The following GAREM1 variants were observed in gnomAD, a reference collection of about 807,000 sequenced individuals.
The protein encoded by GAREM1 is GRB2-associated and regulator of MAPK protein 1.
A neutral mutation model predicts 71.3 loss-of-function variants in GAREM1; 26 were observed. The ratio of observed to expected loss-of-function variants is 0.36; its 90% CI spans 0.27 to 0.51. The LOEUF (loss-of-function observed/expected upper bound fraction) is 0.51. Among genes scored for constraint, GAREM1 ranks in the 20% least tolerant of loss-of-function variants. The pLI, the probability that GAREM1 is intolerant of heterozygous loss-of-function variation, is 0.95. For synonymous variants in GAREM1, 440 were observed against 433.2 expected, an observed-to-expected ratio of 1.02 and a Z score of -0.20; for missense variants, 1,026 against 1,103.1, an observed-to-expected ratio of 0.93 and a Z score of 0.99.
At chr18:32,450,744 A>G (rs1317191327) in intron 1 of GAREM1, among the ~76,000 whole-genome samples, 1 of 152,138 alleles carries the variant, frequency 6.6e-6, no homozygotes, top group Non-Finnish European at 1.5e-5. Context: ...GAAAGATGGT[A>G]CCTCACCCTG....
intron 2 of GAREM1, among the ~76,000 whole-genome samples, chr18:32,338,944 G>A (rs1333522276): frequency 6.6e-6 from 1 of 152,146 alleles, no homozygotes; most frequent in Non-Finnish European, 1.5e-5. Flanking sequence ...CCAACCAGCT[G>A]AAGGCCTTAA....
chr18:32,400,965 A>T (rs985838308), intron 1 of GAREM1, among the ~76,000 whole-genome samples: 1 of 152,244 alleles, frequency 6.6e-6, no homozygotes, highest in Non-Finnish European at 1.5e-5. Context: ...AAAATGTGGC[A>T]CATATACACC....
At chr18:32,318,896 A>C (rs2047405247) in intron 2 of GAREM1, among the ~76,000 whole-genome samples, 1 of 152,216 alleles carries the variant, frequency 6.6e-6, no homozygotes, top group African/African-American at 2.4e-5. Context: ...TAGAAAAGAA[A>C]GCAAGAGCAA....
intron 1 of GAREM1, among the ~76,000 whole-genome samples, chr18:32,465,322 A>G (rs1242708069): frequency 6.6e-6 from 1 of 152,206 alleles, no homozygotes; most frequent in Non-Finnish European, 1.5e-5. Context: ...ATGATAAAAC[A>G]TGGATCCGAG....
chr18:32,356,149 A>T (rs981768478), intron 2 of GAREM1, among the ~76,000 whole-genome samples: 3 of 152,222 alleles, frequency 2.0e-5, no homozygotes, highest in African/African-American at 4.8e-5. Flanking sequence ...GAAGCAGGTC[A>T]GGTTAGCATT....
chr18:32,291,024 C>T (rs2047078315), intron 3 of GAREM1, among the ~76,000 whole-genome samples: 1 of 152,112 alleles, frequency 6.6e-6, no homozygotes, highest in Admixed American at 6.6e-5. Context: ...TATGAAAGTA[C>T]ACATGTATAA....
At chr18:32,393,890 G>C (rs919808244) in intron 1 of GAREM1, among the ~76,000 whole-genome samples, 1 of 152,112 alleles carries the variant, frequency 6.6e-6, no homozygotes, top group Non-Finnish European at 1.5e-5. Context: ...GAAAATATCT[G>C]AAAAGGCTAA....
In GAREM1 at chr18:32,275,517, C is replaced by T. The variant is rs190819861; in HGVS notation, c.1567-5134G>A. ...AGTACCTTGACTATTCACAGAGAAA[C>T]TCCTGGAACCAAAGTCCTGTTGATG... On this transcript the variant is annotated intron_variant, in intron 4 of 5. Transcript: ENST00000269209. Among the ~76,000 whole-genome samples the T allele has an allele frequency of 1.6e-3, 247 of 152,282 alleles. 1 individual carries two copies. The highest frequency in any genetic ancestry group is 2.0e-3 in the Non-Finnish European group (134 of 68,026).
intron 4 of GAREM1, among the ~76,000 whole-genome samples, chr18:32,273,851 TGG>T (rs1401997016): frequency 1.3e-5 from 2 of 152,162 alleles, no homozygotes; most frequent in Non-Finnish European, 2.9e-5. Context: ...GAGGGCAGTC[TGG>T]GTGTTGTTAT....
At chr18:32,412,279 G>A (rs920916947) in intron 1 of GAREM1, 29 of 1,585,232 alleles carry the variant, frequency 1.8e-5, no homozygotes, top group African/African-American at 8.0e-5. Flanking sequence ...CCTTGGTTTC[G>A]TGGTTTTGCA....
At chr18:32,445,497 T>C (rs569772203) in intron 1 of GAREM1, among the ~76,000 whole-genome samples, 2 of 152,150 alleles carry the variant, frequency 1.3e-5, no homozygotes, top group Admixed American at 6.6e-5. Context: ...ATTCACATTG[T>C]TATTTTAAAA....
chr18:32,287,592 G>A lies in GAREM1; in HGVS notation c.1005C>T (p.Asp335=), dbSNP rs373286694. 1 of 1,614,066 alleles carries A rather than the reference G, an allele frequency of 6.2e-7. No homozygotes were observed. The highest frequency in any genetic ancestry group is 1.3e-5 in the African/African-American group (1 of 74,930). Residue 335 remains aspartate, a synonymous_variant, in exon 4 of 6, where the codon GAC becomes GAT. Transcript: ENST00000269209. This position sits in a 1 kb window ranked among gnomAD's most constrained non-coding sequence, Gnocchi z 5.9. The stretch of plus-strand genomic sequence containing the variant: ...GGACAGCCCGTGAATACTCATCGAT[G>A]TCGAACTGTTCTTGGCAGATACCTA... ...HWLGICQEQF[D]IDEYSRAVRD... is the part of the protein sequence containing the mutation.
At chr18:32,351,884 A>G (rs552029650) in intron 2 of GAREM1, among the ~76,000 whole-genome samples, 1 of 152,310 alleles carries the variant, frequency 6.6e-6, no homozygotes, top group Non-Finnish European at 1.5e-5. Flanking sequence ...ATGCCTGTGT[A>G]AAGTAATTTT....
intron 1 of GAREM1, among the ~76,000 whole-genome samples, chr18:32,402,566 C>T (rs1450084880): frequency 1.3e-5 from 2 of 152,100 alleles, no homozygotes; most frequent in Non-Finnish European, 2.9e-5. Flanking sequence ...TCTCTCAGTG[C>T]TTTCTCCTTG....
In GAREM1 at chr18:32,470,713, G is replaced by A. The variant is rs1435185717; in HGVS notation, c.-285C>T. ...CGGCTGCGGGCGGCGGCGGCGGCCCGGGTGGCTGCGGCGGCTCCCGCTCCG... is the reference window on the plus strand; with the variant it reads ...CGGCTGCGGGCGGCGGCGGCGGCCCAGGTGGCTGCGGCGGCTCCCGCTCCG... On this transcript the variant is annotated 5_prime_UTR_variant, in exon 1 of 6. Transcript: ENST00000269209. The surrounding 1 kb of genome is among the most constrained non-coding windows in gnomAD (Gnocchi z 4.4). 6.7e-6 allele frequency among the ~76,000 whole-genome samples: 1 copy of A among 149,444 alleles called. No homozygotes were observed. The highest frequency in any genetic ancestry group is 2.4e-5 in the African/African-American group (1 of 41,132).
intron 3 of GAREM1, among the ~76,000 whole-genome samples, chr18:32,295,054 TTTGTTG>T (rs369924248): frequency 2.4e-3 from 370 of 152,128 alleles, no homozygotes; most frequent in African/African-American, 7.9e-3. Context: ...TATGTTTATT[TTTGTTG>T]TTGTTGTTGT....
At chr18:32,315,478 G>A (rs2047368841) in intron 2 of GAREM1, among the ~76,000 whole-genome samples, 2 of 143,978 alleles carry the variant, frequency 1.4e-5, no homozygotes, top group Non-Finnish European at 1.5e-5. Context: ...ATATATAAAA[G>A]TAGATATATA....
At chr18:32,339,316 A>G (rs148693417) in intron 2 of GAREM1, among the ~76,000 whole-genome samples, 32 of 152,352 alleles carry the variant, frequency 2.1e-4, no homozygotes, top group African/African-American at 7.7e-4. Context: ...AGTGCCTGGA[A>G]GAAGCACACC....
At position 32,310,314 on chromosome 18, in the gene GAREM1, T is replaced by G. The variant is rs1193439668; in HGVS notation, c.272A>C (p.Lys91Thr). 3 of 1,614,120 alleles carry G rather than the reference T, an allele frequency of 1.9e-6. No homozygotes were observed. In the East Asian group the frequency reaches 6.7e-5, roughly 36 times the overall value. Reference protein sequence around the residue: ...EIPVHYAGQFKLLEQDRDIKE... With the variant: ...EIPVHYAGQFTLLEQDRDIKE... ...TATATCTCGGTCTTGTTCCAGCAGC[T>G]TGAATTGCCCTAAAACACAGGATAA... The change falls in exon 3 of 6, where the codon AAG becomes ACG. Residue 91 changes from lysine (K) to threonine (T), a missense_variant. This residue lies in a region of GAREM1 where 172 missense variants were observed against 175.2 expected (regional missense o/e 0.98). Transcript: ENST00000269209.
Sources: gnomAD v4.1 joint callset for allele counts (sites outside exome capture counted in the v4.1 genomes callset) on GRCh38, gnomAD v4.1.1 for gene constraint, gnomAD v4.1.1 regional missense constraint, Gnocchi (gnomAD v3.1) non-coding constraint, MANE v1.5 for transcripts, NCBI Gene and HGNC (gene_info 2026-07-23, HGNC 2026-07-21) for gene names.